The following SYNE2 variants were observed in gnomAD, a reference collection of about 807,000 sequenced individuals.
SYNE2 encodes spectrin repeat containing nuclear envelope protein 2.
A neutral mutation model predicts 856.3 loss-of-function variants in SYNE2; 431 were observed. That is an observed-to-expected ratio of 0.50 (90% CI 0.47 to 0.55). The LOEUF (loss-of-function observed/expected upper bound fraction) is 0.55. Among genes scored for constraint, SYNE2 ranks in the 20% least tolerant of loss-of-function variants. SYNE2 has a pLI of 0.00. For missense variants in SYNE2, 8,129 were observed against 8,023.2 expected, an observed-to-expected ratio of 1.01 and a Z score of -0.50; for synonymous variants, 2,923 against 2,872.3, an observed-to-expected ratio of 1.02 and a Z score of -0.56.
chr14:64,102,519 T>A (rs2097740156), intron 64 of SYNE2, among the ~76,000 whole-genome samples: 1 of 150,686 alleles, frequency 6.6e-6, no homozygotes, highest in Non-Finnish European at 1.5e-5. Flanking sequence ...TTTTTTTTTT[T>A]TTTTTTTTAG....
At chr14:63,814,698 A>C (rs1259866737) in intron 1 of SYNE2, among the ~76,000 whole-genome samples, 1 of 117,226 alleles carries the variant, frequency 8.5e-6, no homozygotes, top group Non-Finnish European at 1.7e-5. Flanking sequence ...CCATATATAT[A>C]TCCATATATA....
At chr14:64,030,975 G>A (rs779325154) in intron 44 of SYNE2, 41 bp from the exon 45 acceptor site, 1 of 1,430,162 alleles carries the variant, frequency 7.0e-7, no homozygotes, top group Admixed American at 1.7e-5. Context: ...AACTTTTGTG[G>A]CAATTGAATG....
At chr14:64,193,410 C>A (rs556055459) in intron 99 of SYNE2, among the ~76,000 whole-genome samples, 1 of 152,056 alleles carries the variant, frequency 6.6e-6, no homozygotes, top group Non-Finnish European at 1.5e-5. Context: ...ACTACCTGGG[C>A]GTGGTGGTGC....
chr14:63,910,429 G>A (rs1240724183), intron 2 of SYNE2, among the ~76,000 whole-genome samples: 3 of 152,312 alleles, frequency 2.0e-5, no homozygotes, highest in Admixed American at 6.5e-5. Flanking sequence ...TATACTTTGT[G>A]TAGAGTAAGA....
chr14:63,911,498 T>A (rs141344332), intron 2 of SYNE2, among the ~76,000 whole-genome samples: 5 of 152,294 alleles, frequency 3.3e-5, no homozygotes, highest in African/African-American at 9.6e-5. Context: ...TCTCATTTGA[T>A]CCTCACAACC....
intron 21 of SYNE2, among the ~76,000 whole-genome samples, chr14:63,992,516 A>T (rs1325693278): frequency 6.6e-6 from 1 of 152,142 alleles, no homozygotes; most frequent in Non-Finnish European, 1.5e-5. Context: ...CCTGGCCTCA[A>T]GTGATCCTCC....
chr14:64,124,084 A>T (rs1303568989), intron 70 of SYNE2, among the ~76,000 whole-genome samples: 1 of 152,116 alleles, frequency 6.6e-6, no homozygotes, highest in Non-Finnish European at 1.5e-5. Flanking sequence ...GGGCACCTGT[A>T]ATCTCAGCTA....
intron 1 of SYNE2, among the ~76,000 whole-genome samples, chr14:63,871,452 C>A (rs1393875575): frequency 6.6e-6 from 1 of 152,042 alleles, no homozygotes; most frequent in Non-Finnish European, 1.5e-5. Context: ...AGATGATCCG[C>A]CTGCCTCAGC....
chr14:63,909,277 A>G (rs1478820155), intron 2 of SYNE2, 50 bp downstream of exon 2: 17 of 1,255,846 alleles, frequency 1.4e-5, no homozygotes, highest in Non-Finnish European at 2.0e-5. Flanking sequence ...GGGAAACCTT[A>G]CTTTTATCTA....
intron 45 of SYNE2, among the ~76,000 whole-genome samples, chr14:64,043,747 A>G (rs942896689): frequency 1.3e-5 from 2 of 152,240 alleles, no homozygotes; most frequent in South Asian, 2.1e-4. Context: ...ATATGTGTGG[A>G]AACACCTGGA....
Position 64,098,080 on chromosome 14 carries a change from A to C in SYNE2, c.12240A>C (p.Arg4080Ser), listed in dbSNP as rs2097691892. 1.2e-6 allele frequency: 2 copies of C among 1,614,192 alleles called. No individual in the cohort carries two copies. Among genetic ancestry groups the C allele is most frequent in the African/African-American group, 2.7e-5 (2 of 75,036 alleles). Reference sequence around the variant, plus strand: ...AGCAAGAACAAGAAGGAGTAGAAAGAGATAGGCTGCCAGCTGTAACATCAG... The same window carrying C: ...AGCAAGAACAAGAAGGAGTAGAAAGCGATAGGCTGCCAGCTGTAACATCAG... ...HLKQEQEGVERDRLPAVTSEE... is the reference protein window; with the variant it reads ...HLKQEQEGVESDRLPAVTSEE... Residue 4080 changes from arginine to serine, a missense_variant, in exon 62 of 116, where the codon AGA (arginine) becomes AGC (serine). This residue lies in a region of SYNE2 where 5,410 missense variants were observed against 5,284.8 expected (regional missense o/e 1.02). Coordinates refer to ENST00000555002, the MANE Select transcript of SYNE2 (RefSeq NM_182914.3).
In SYNE2 at chr14:64,218,466, AC is replaced by A. The variant is rs762988331; in HGVS notation, c.19612del (p.Gln6538SerfsTer23). The A allele has an allele frequency of 1.2e-5, 20 of 1,614,056 alleles. No individual in the cohort carries two copies. In the African/African-American group the frequency reaches 2.7e-4, roughly 22 times the overall value. ...EGPRVLNGNP[Q>X]QEDGGLAGIT... Reference sequence around the variant, plus strand: ...GCCCGCGAGTCCTGAATGGCAACCCACAGCAGGAAGACGGGGGACTGGCCGG... The same window carrying A: ...GCCCGCGAGTCCTGAATGGCAACCCAAGCAGGAAGACGGGGGACTGGCCGG... On this transcript the variant is annotated frameshift_variant, in exon 109 of 116. Coordinates refer to ENST00000555002, the MANE Select transcript of SYNE2 (RefSeq NM_182914.3). LOFTEE classifies it high-confidence loss of function.
intron 19 of SYNE2, among the ~76,000 whole-genome samples, chr14:63,988,106 C>A (rs1342157859): frequency 6.6e-6 from 1 of 151,850 alleles, no homozygotes; most frequent in Non-Finnish European, 1.5e-5. Context: ...TTTTTTGAGA[C>A]AGGGTTCTGC....
intron 1 of SYNE2, among the ~76,000 whole-genome samples, chr14:63,871,973 G>A (rs1896952570): frequency 6.6e-6 from 1 of 152,128 alleles, no homozygotes; most frequent in Non-Finnish European, 1.5e-5. Flanking sequence ...CTGCTGTACT[G>A]AATTTGGTAT....
intron 68 of SYNE2, 128 bp from the exon 69 acceptor site, chr14:64,121,884 A>G (rs933487811): frequency 1.6e-6 from 2 of 1,280,132 alleles, no homozygotes; most frequent in Non-Finnish European, 2.2e-6. Context: ...CAGGAATGCA[A>G]GAAAGAGAAA....
chr14:64,208,206 A>C (rs1485751491), intron 100 of SYNE2: 2 of 455,220 alleles, frequency 4.4e-6, no homozygotes, highest in Non-Finnish European at 8.8e-6. Flanking sequence ...TGTCTGCCAG[A>C]ATTTCTCCCT....
Position 64,003,329 on chromosome 14 carries a change from C to G in SYNE2, c.4396C>G (p.Arg1466Gly). The G allele has an allele frequency of 6.2e-7, 1 of 1,613,988 alleles. No homozygotes were observed. The highest frequency in any genetic ancestry group is 8.5e-7 in the Non-Finnish European group (1 of 1,179,996). ...TCCTACTGTTCCAGCTGTGAAACAT[C>G]GGTAAGTATTGTCCATCCATTTCCA... ...KDPTVPAVKHRKKSLIRLDKV... is the reference protein window; with the variant it reads ...KDPTVPAVKHGKKSLIRLDKV... Residue 1466 changes from arginine (R) to glycine (G), a missense_variant and splice_region_variant, in exon 30 of 116, where the codon CGG (arginine) becomes GGG (glycine). Around this residue, in one of 3 missense-constraint regions of SYNE2, gnomAD observed 2,422 missense variants for 2,357.4 expected, o/e 1.03. Coordinates refer to ENST00000555002, the MANE Select transcript of SYNE2 (RefSeq NM_182914.3).
At chr14:63,909,828 C>T (rs1431651496) in intron 2 of SYNE2, among the ~76,000 whole-genome samples, 8 of 152,070 alleles carry the variant, frequency 5.3e-5, no homozygotes, top group South Asian at 2.1e-4. Context: ...GCAACAAGAG[C>T]GAAACTCCAT....
At chr14:63,847,292 TAATAATAATA>T (rs972033615) in intron 1 of SYNE2, among the ~76,000 whole-genome samples, 2 of 151,246 alleles carry the variant, frequency 1.3e-5, no homozygotes, top group Non-Finnish European at 2.9e-5. Context: ...AAAATAATAA[TAATAATAATA>T]AATTAGTTGG....
Sources: allele counts gnomAD v4.1 joint callset (sites outside exome capture counted in the v4.1 genomes callset), GRCh38; gene constraint gnomAD v4.1.1; regional missense constraint gnomAD v4.1.1; transcripts MANE v1.5; gene names NCBI Gene and HGNC (gene_info 2026-07-23, HGNC 2026-07-21).